The following ANK2 variants were observed in gnomAD, a reference collection of about 807,000 sequenced individuals.
ANK2 encodes ankyrin 2.
ANK2 carries 83 observed loss-of-function variants against 360.5 expected under a neutral mutation model. That is an observed-to-expected ratio of 0.23 (90% confidence interval 0.19 to 0.28). The LOEUF (loss-of-function observed/expected upper bound fraction) is 0.28. ANK2 is among the 10% of genes least tolerant of loss of function. The pLI, the probability that ANK2 is intolerant of heterozygous loss-of-function variation, is 1.00. For missense variants in ANK2, 4,201 were observed against 4,795.7 expected (o/e 0.88, Z 3.66); for synonymous variants, 1,740 against 1,759.5 (o/e 0.99, Z 0.28).
intron 2 of ANK2, among the ~76,000 whole-genome samples, chr4:112,996,063 G>A (rs572530932): frequency 1.3e-4 from 20 of 152,064 alleles, no homozygotes; most frequent in Non-Finnish European, 2.2e-4. Flanking sequence ...GCTCCAAATC[G>A]AAAACAACCC....
At chr4:113,175,871 A>C (rs531177286) in intron 2 of ANK2, among the ~76,000 whole-genome samples, 21 of 152,308 alleles carry the variant, frequency 1.4e-4, no homozygotes, top group African/African-American at 4.6e-4. Flanking sequence ...TGTGTCTCTT[A>C]CCGTGAAAAC....
chr4:112,996,690 G>A (rs1189999723), intron 2 of ANK2, among the ~76,000 whole-genome samples: 1 of 152,092 alleles, frequency 6.6e-6, no homozygotes, highest in Non-Finnish European at 1.5e-5. Flanking sequence ...ATCACATCAT[G>A]AAGAATGAGG....
At position 112,965,059 on chromosome 4, in the gene ANK2, T is replaced by C. The variant is rs116563902; in HGVS notation, c.21+60545T>C. On this transcript the variant is annotated intron_variant, in intron 2 of 30. Coordinates refer to the ANK2 transcript ENST00000503271. ...ATCATATGGTAACTCTAGTTTTAATTTTTTGAGGAACCTCCAAACTATTTT... is the reference window on the plus strand; with the variant it reads ...ATCATATGGTAACTCTAGTTTTAATCTTTTGAGGAACCTCCAAACTATTTT... Among the ~76,000 whole-genome samples, 1,037 of 152,298 alleles carry C rather than the reference T, an allele frequency of 6.8e-3. 15 individuals are homozygous for C. Among genetic ancestry groups the C allele is most frequent in the African/African-American group, 0.024 (989 of 41,548 alleles).
At chr4:112,818,996 T>C (rs1005554043) in intron 1 of ANK2, among the ~76,000 whole-genome samples, 1 of 152,186 alleles carries the variant, frequency 6.6e-6, no homozygotes, top group African/African-American at 2.4e-5. Context: ...TTTGTTTGTT[T>C]GTTCTTTGGC....
intron 5 of ANK2, among the ~76,000 whole-genome samples, chr4:113,233,106 GTTTTTTTTTTTTTTTTTTTTTTTT>G (rs1156385030): frequency 9.5e-4 from 76 of 79,700 alleles, no homozygotes; most frequent in Admixed American, 3.4e-3. Flanking sequence ...TGGCTTTTCT[GTTTTTTTTTTTTTTTTTTTTTTTT>G]TTTTTTTTTT....
At chr4:112,765,975 C>T in the ANK2 span, among the ~76,000 whole-genome samples, 14 of 152,114 alleles carry the variant, frequency 9.2e-5, no homozygotes, top group African/African-American at 3.4e-4. Context: ...GTAGTCGATC[C>T]TAGTTAACTT....
At chr4:113,157,950 G>A (rs1384416760) in intron 1 of ANK2, among the ~76,000 whole-genome samples, 1 of 152,170 alleles carries the variant, frequency 6.6e-6, no homozygotes, top group African/African-American at 2.4e-5. Context: ...AGTAAAGTTA[G>A]CTATTAATAT....
chr4:113,082,051 C>T lies in ANK2; in HGVS notation c.84+32239C>T, dbSNP rs769314886. The stretch of plus-strand genomic sequence containing the variant: ...CTCAAACTTCTGACCTCAGGTGATC[C>T]GCCCGTCTCGGCCTCCCAGAGTGCT... On this transcript the variant is annotated intron_variant, in intron 1 of 45. Coordinates refer to ENST00000357077, the MANE Select transcript of ANK2 (RefSeq NM_001148.6). Among the ~76,000 whole-genome samples the T allele has an allele frequency of 5.9e-5, 9 of 152,108 alleles. No homozygotes were observed. In the East Asian group the frequency reaches 1.5e-3, roughly 26 times the overall value.
chr4:112,982,821 A>T (rs2043515995), intron 2 of ANK2, among the ~76,000 whole-genome samples: 1 of 152,224 alleles, frequency 6.6e-6, no homozygotes, highest in Non-Finnish European at 1.5e-5. Flanking sequence ...ATTCTAAAAA[A>T]ATCCCATAAT....
chr4:113,241,109 G>A (rs1434048226), intron 8 of ANK2, among the ~76,000 whole-genome samples: 3 of 152,100 alleles, frequency 2.0e-5, no homozygotes, highest in Non-Finnish European at 4.4e-5. Context: ...GTATATATCA[G>A]TATACTTAAT....
chr4:112,877,094 A>T (rs935430435), intron 1 of ANK2, among the ~76,000 whole-genome samples: 1 of 151,848 alleles, frequency 6.6e-6, no homozygotes, highest in African/African-American at 2.4e-5. Context: ...TTCCCCCTTT[A>T]GTTTCAGGGA....
At chr4:113,034,341 G>T (rs193037672) in intron 2 of ANK2, among the ~76,000 whole-genome samples, 141 of 152,090 alleles carry the variant, frequency 9.3e-4, no homozygotes, top group African/African-American at 3.2e-3. Flanking sequence ...GAGTAATCCT[G>T]ATTTATCTCC....
intron 2 of ANK2, among the ~76,000 whole-genome samples, chr4:113,025,111 G>A (rs1295088933): frequency 6.6e-6 from 1 of 151,506 alleles, no homozygotes; most frequent in Non-Finnish European, 1.5e-5. Context: ...CATGTACAAA[G>A]TTCTCCTTAA....
chr4:113,180,508 G>A (rs183593237), intron 2 of ANK2, among the ~76,000 whole-genome samples: 5 of 152,216 alleles, frequency 3.3e-5, no homozygotes, highest in South Asian at 2.1e-4. Flanking sequence ...GAACATAAAA[G>A]GTATTGCCAT....
rs868793379 is a variant in ANK2, at chr4:113,358,805, C to G, written c.10187C>G (p.Ser3396Cys). ...NRSKSESDAS[S>C]LDSKTKCPVK... Reference sequence around the variant, plus strand: ...AGCAAATCTGAATCTGATGCTAGTTCTTTGGATTCAAAGACCAAATGCCCA... The same window carrying G: ...AGCAAATCTGAATCTGATGCTAGTTGTTTGGATTCAAAGACCAAATGCCCA... The change falls in exon 38 of 46, where the codon TCT becomes TGT. Residue 3396 changes from serine to cysteine, a missense_variant. Physicochemically the swap from Ser to Cys is moderately radical, Grantham distance 112. Transcript: ENST00000357077. 1 of 1,614,098 alleles carries G rather than the reference C, an allele frequency of 6.2e-7. No individual in the cohort carries two copies.
At position 113,136,052 on chromosome 4, in the gene ANK2, A is replaced by G. The variant is rs548514714; in HGVS notation, c.85-38364A>G. ...AATATTTGTGAGAAGAATGAAATAA[A>G]TGTTTGCATAAACCACTCATATTTT... On this transcript the variant is annotated intron_variant, in intron 1 of 45. Coordinates refer to ENST00000357077, the MANE Select transcript of ANK2 (RefSeq NM_001148.6). Among the ~76,000 whole-genome samples, 15 of 152,304 alleles carry G rather than the reference A, an allele frequency of 9.8e-5. No homozygotes were observed. The South Asian group carries it at 3.1e-3, about 32-fold the overall frequency.
At chr4:113,226,755 A>G (rs578176180) in intron 4 of ANK2, among the ~76,000 whole-genome samples, 7 of 152,166 alleles carry the variant, frequency 4.6e-5, no homozygotes, top group Admixed American at 4.6e-4. Flanking sequence ...CAAATAATTC[A>G]TAGTTTTCTA....
At chr4:112,922,187 G>A (rs914908333) in intron 2 of ANK2, among the ~76,000 whole-genome samples, 1 of 152,142 alleles carries the variant, frequency 6.6e-6, no homozygotes, top group Admixed American at 6.5e-5. Context: ...CTTTCTTTAA[G>A]AGTTTTTAGG....
At chr4:113,184,738 T>C (rs1222498592) in intron 2 of ANK2, among the ~76,000 whole-genome samples, 1 of 152,144 alleles carries the variant, frequency 6.6e-6, no homozygotes, top group Non-Finnish European at 1.5e-5. Context: ...CTTTAAGTTC[T>C]GTGATACATG....
Sources: allele counts gnomAD v4.1 joint callset (sites outside exome capture counted in the v4.1 genomes callset), GRCh38; gene constraint gnomAD v4.1.1; transcripts MANE v1.5; gene names NCBI Gene and HGNC (gene_info 2026-07-23, HGNC 2026-07-21).